The following ZYG11B variants were observed in gnomAD, a reference collection of about 807,000 sequenced individuals.
The protein encoded by ZYG11B is protein zyg-11 homolog B.
Under a neutral mutation model 82.4 loss-of-function variants are expected in ZYG11B, and 36 were observed. That is an observed-to-expected ratio of 0.44 (90% CI 0.33 to 0.58). ZYG11B has a LOEUF of 0.58. ZYG11B is among the 20% of genes least tolerant of loss of function. The pLI, the probability that ZYG11B is intolerant of heterozygous loss-of-function variation, is 0.02. For missense variants in ZYG11B, 552 were observed against 895.6 expected (o/e 0.62, Z 4.90); for synonymous variants, 303 against 312.8 (o/e 0.97, Z 0.33).
intron 2 of ZYG11B, among the ~76,000 whole-genome samples, chr1:52,767,212 TTA>T (rs1445124039): frequency 1.3e-5 from 2 of 151,690 alleles, no homozygotes; most frequent in Non-Finnish European, 2.9e-5. Context: ...TTTTGTTATT[TTA>T]TGTTATTTTA....
At chr1:52,783,849 C>A (rs1186497066) in intron 4 of ZYG11B, among the ~76,000 whole-genome samples, 1 of 137,468 alleles carries the variant, frequency 7.3e-6, no homozygotes, top group Non-Finnish European at 1.5e-5. Context: ...TATGTACATA[C>A]ACGTGTGTGT....
intron 10 of ZYG11B, among the ~76,000 whole-genome samples, chr1:52,808,451 A>G (rs1435369871): frequency 2.0e-5 from 3 of 152,190 alleles, no homozygotes; most frequent in Non-Finnish European, 4.4e-5. Context: ...CATGTTTCCT[A>G]TATTTGGGAT....
chr1:52,785,077 CA>C (rs1644902008), intron 5 of ZYG11B, 24 bp downstream of exon 5: 1 of 1,608,200 alleles, frequency 6.2e-7, no homozygotes. Flanking sequence ...AATTCCTTTT[CA>C]AATAGTCCTT....
intron 2 of ZYG11B, among the ~76,000 whole-genome samples, chr1:52,760,844 T>C (rs1002259736): frequency 4.7e-5 from 7 of 150,442 alleles, no homozygotes; most frequent in African/African-American, 9.8e-5. Context: ...CTCACTGCAG[T>C]CTCTGCCTCC....
At chr1:52,790,653 G>A (rs911910575) in intron 6 of ZYG11B, among the ~76,000 whole-genome samples, 24 of 147,160 alleles carry the variant, frequency 1.6e-4, no homozygotes, top group African/African-American at 5.4e-4. Flanking sequence ...CGGAGGCGGC[G>A]GTTGCAGTGA....
intron 1 of ZYG11B, among the ~76,000 whole-genome samples, chr1:52,748,827 G>T (rs564240964): frequency 1.7e-4 from 26 of 150,580 alleles, no homozygotes; most frequent in African/African-American, 5.9e-4. Flanking sequence ...CACTTGAATG[G>T]GGAGGTGGAG....
At chr1:52,817,809 A>T (rs1571804022) in intron 13 of ZYG11B, among the ~76,000 whole-genome samples, 1 of 38,172 alleles carries the variant, frequency 2.6e-5, no homozygotes, top group African/African-American at 1.1e-4. Context: ...ATATATATAT[A>T]TATATATTTT....
intron 1 of ZYG11B, among the ~76,000 whole-genome samples, chr1:52,729,090 A>G (rs1398142419): frequency 6.6e-6 from 1 of 152,210 alleles, no homozygotes; most frequent in African/African-American, 2.4e-5. Flanking sequence ...TGGGAAGTCC[A>G]AAATCAGTTC....
chr1:52,789,917 T>C, intron 5 of ZYG11B, 86 bp from the exon 6 acceptor site: 3 of 722,778 alleles, frequency 4.2e-6, no homozygotes, highest in Non-Finnish European at 6.0e-6. Flanking sequence ...GTCTTCTTCT[T>C]TTTTTTTTTT....
chr1:52,821,424 T>G lies in ZYG11B; in HGVS notation c.2045-15T>G, dbSNP rs763208965. On this transcript the variant is annotated splice_polypyrimidine_tract_variant and intron_variant, in intron 13 of 13. Transcript: ENST00000294353. Reference sequence around the variant, plus strand: ...TATTTCTCCTGTTTTGTGTGTGTTTTTTTTTCTTTTTCAGCTTCAAGGTAT... The same window carrying G: ...TATTTCTCCTGTTTTGTGTGTGTTTGTTTTTCTTTTTCAGCTTCAAGGTAT... 4 of 1,525,178 alleles carry G rather than the reference T, an allele frequency of 2.6e-6. No homozygotes were observed. Among genetic ancestry groups the G allele is most frequent in the Admixed American group, 2.2e-5 (1 of 46,378 alleles). 94.5% of individuals were successfully genotyped at this position (1,525,178 alleles called of 1,614,324 possible).
intron 6 of ZYG11B, among the ~76,000 whole-genome samples, chr1:52,795,399 G>A (rs879776067): frequency 6.6e-6 from 1 of 151,964 alleles, no homozygotes; most frequent in Non-Finnish European, 1.5e-5. Context: ...TAAATTACCC[G>A]GTCTCAGGTA....
intron 10 of ZYG11B, chr1:52,805,023 G>A (rs113682942): frequency 0.04 from 6,020 of 151,462 alleles, 327 homozygotes; most frequent in African/African-American, 0.13. Context: ...CCCGGGAGGC[G>A]GGGGTTGCTG....
intron 8 of ZYG11B, 36 bp from the exon 9 acceptor site, chr1:52,801,783 A>G (rs373005052): frequency 2.5e-5 from 39 of 1,542,824 alleles, no homozygotes; most frequent in Middle Eastern, 1.9e-4. Context: ...TAACAGTTCA[A>G]AAGTGAAAAC....
chr1:52,811,363 G>T (rs999264637), intron 10 of ZYG11B, among the ~76,000 whole-genome samples: 4 of 152,024 alleles, frequency 2.6e-5, no homozygotes, highest in Non-Finnish European at 5.9e-5. Flanking sequence ...TCAGTTATAA[G>T]CATGTTAGAC....
In ZYG11B at chr1:52,787,940, C is replaced by T. The variant is rs374794586; in HGVS notation, c.1270-2063C>T. ...TCTGCTGGCTGGATTGGTGTATAGA[C>T]AAAGGTACCAGGCAGGATTTCAAAG... On this transcript the variant is annotated intron_variant, in intron 5 of 13. Coordinates refer to ENST00000294353, the MANE Select transcript of ZYG11B (RefSeq NM_024646.3). Among the ~76,000 whole-genome samples the T allele has an allele frequency of 7.2e-5, 11 of 152,178 alleles. No homozygotes were observed. The East Asian group carries it at 1.5e-3, about 21-fold the overall frequency.
chr1:52,744,222 C>G lies in ZYG11B; in HGVS notation c.31-12236C>G, dbSNP rs977358325. 3.0e-4 allele frequency among the ~76,000 whole-genome samples: 45 copies of G among 152,198 alleles called. 1 individual carries two copies. The highest frequency in any genetic ancestry group is 1.2e-4 in the Non-Finnish European group (8 of 68,042). On this transcript the variant is annotated intron_variant, in intron 1 of 13. Coordinates refer to ENST00000294353, the MANE Select transcript of ZYG11B (RefSeq NM_024646.3). The stretch of plus-strand genomic sequence containing the variant: ...AAAGTGCTGGGATTACAGGTGTGAG[C>G]CACTGCATCCAGCCTTTTTCTATGT...
In ZYG11B at chr1:52,824,883, T is replaced by C. The variant is rs1490246813; in HGVS notation, c.*3254T>C. 6.6e-6 allele frequency: 1 copy of C among 152,130 alleles called. No individual in the cohort carries two copies. Among genetic ancestry groups the C allele is most frequent in the East Asian group, 1.9e-4 (1 of 5,184 alleles). The allele number at this position is 152,130 out of a possible 1,614,324, so 9.4% of individuals were successfully genotyped here. On this transcript the variant is annotated 3_prime_UTR_variant, in exon 14 of 14. Transcript: ENST00000294353. ...CCTGTAGACTAGAATATAACTGTTA[T>C]TGGTGCCTTTGAGTGTTATCTCTCA...
intron 13 of ZYG11B, among the ~76,000 whole-genome samples, chr1:52,818,672 T>C (rs1412719049): frequency 6.6e-6 from 1 of 152,126 alleles, no homozygotes; most frequent in African/African-American, 2.4e-5. Flanking sequence ...ATGAATTAAA[T>C]TTCTTCTATT....
intron 1 of ZYG11B, among the ~76,000 whole-genome samples, chr1:52,737,084 G>A (rs958454911): frequency 1.3e-5 from 2 of 151,626 alleles, no homozygotes; most frequent in African/African-American, 4.8e-5. Flanking sequence ...GTTTCACCAT[G>A]TTAGCCAGGC....
Sources: allele counts gnomAD v4.1 joint callset (sites outside exome capture counted in the v4.1 genomes callset), GRCh38; gene constraint gnomAD v4.1.1; transcripts MANE v1.5; gene names NCBI Gene and HGNC (gene_info 2026-07-23, HGNC 2026-07-21).